Variants in GLYATL2 observed in about 807,000 individuals in gnomAD.
The protein encoded by GLYATL2 is glycine-N-acyltransferase like 2.
GLYATL2 carries 25 observed loss-of-function variants against 21.4 expected under a neutral mutation model. The ratio of observed to expected loss-of-function variants is 1.17; its 90% CI spans 0.85 to 1.63. The LOEUF (loss-of-function observed/expected upper bound fraction) is 1.63, where lower values mean the gene tolerates loss of function less well. GLYATL2 is among the 40% of genes most tolerant of loss of function. The pLI is 0.00. For synonymous variants in GLYATL2, 114 were observed against 118.2 expected (o/e 0.96, Z 0.23); for missense variants, 361 against 343.3 (o/e 1.05, Z -0.41).
chr11:58,873,459 T>A (rs1854163774), intron 1 of GLYATL2, among the ~76,000 whole-genome samples: 1 of 151,936 alleles, frequency 6.6e-6, no homozygotes, highest in African/African-American at 2.4e-5. Flanking sequence ...AGATACATTC[T>A]ATCAATACCT....
At chr11:58,835,231 A>T (rs1853408539) in intron 5 of GLYATL2, among the ~76,000 whole-genome samples, 1 of 152,232 alleles carries the variant, frequency 6.6e-6, no homozygotes, top group Non-Finnish European at 1.5e-5. Context: ...GCATCACAAG[A>T]TATCTAAATA....
At chr11:58,900,819 T>C (rs999501525) in intron 1 of GLYATL2, among the ~76,000 whole-genome samples, 2 of 152,154 alleles carry the variant, frequency 1.3e-5, no homozygotes, top group Non-Finnish European at 1.5e-5. Flanking sequence ...AGCTTTGGCT[T>C]TCATGGAAGC....
At chr11:58,860,750 C>T (rs931731165) in intron 1 of GLYATL2, among the ~76,000 whole-genome samples, 9 of 151,978 alleles carry the variant, frequency 5.9e-5, no homozygotes, top group African/African-American at 1.4e-4. Context: ...CATATATTGT[C>T]TTTATTGTAT....
chr11:58,883,282 G>A lies in GLYATL2; in HGVS notation n.60+20874C>T, dbSNP rs1457391030. ...AAAAAAATCAATGAATCCAGGAGCT[G>A]GTTTTTTGAAAAGATCAACAAAATT... On this transcript the variant is annotated intron_variant and non_coding_transcript_variant, in intron 1 of 4. Coordinates refer to the GLYATL2 transcript ENST00000533636. Among the ~76,000 whole-genome samples the A allele has an allele frequency of 2.0e-5, 3 of 151,942 alleles. No homozygotes were observed. The East Asian group carries it at 5.8e-4, about 29-fold the overall frequency.
rs187690548 is a variant in GLYATL2, at chr11:58,869,966, G to A, written n.61-31598C>T. 8.1e-4 allele frequency among the ~76,000 whole-genome samples: 123 copies of A among 152,166 alleles called. 1 individual carries two copies. Among genetic ancestry groups the A allele is most frequent in the African/African-American group, 2.9e-3 (119 of 41,522 alleles). ...AAAATGAAAATAAAACAATTAGCTG[G>A]GCATAGTGATTCATGCCTGTAGTCC... On this transcript the variant is annotated intron_variant and non_coding_transcript_variant, in intron 1 of 4. Coordinates refer to the GLYATL2 transcript ENST00000533636.
Position 58,892,481 on chromosome 11 carries a change from A to G in GLYATL2, n.60+11675T>C, listed in dbSNP as rs75183059. On this transcript the variant is annotated intron_variant and non_coding_transcript_variant, in intron 1 of 4. Coordinates refer to the GLYATL2 transcript ENST00000533636. ...CAATATCATTACATTGGGAATGTAA[A>G]TTCACAGAAACTCTGGGGGATGGGA... The G allele has an allele frequency of 9.1e-3, 1,493 of 163,894 alleles. 8 individuals carry two copies. Among genetic ancestry groups the G allele is most frequent in the Non-Finnish European group, 0.015 (1,119 of 73,398 alleles). 10.2% of individuals were successfully genotyped at this position (163,894 alleles called of 1,614,324 possible).
At chr11:58,890,172 T>G (rs1213525557) in intron 1 of GLYATL2, among the ~76,000 whole-genome samples, 1 of 152,144 alleles carries the variant, frequency 6.6e-6, no homozygotes, top group Non-Finnish European at 1.5e-5. Flanking sequence ...AAAGCTTAGT[T>G]CCCAGTTATG....
chr11:58,840,017 G>A (rs1322185175), intron 1 of GLYATL2, among the ~76,000 whole-genome samples: 3 of 151,960 alleles, frequency 2.0e-5, no homozygotes, highest in Non-Finnish European at 4.4e-5. Context: ...CCTCTGGAGA[G>A]CCCACCACCC....
At chr11:58,885,724 GA>G (rs1452160397) in intron 1 of GLYATL2, among the ~76,000 whole-genome samples, 1 of 152,264 alleles carries the variant, frequency 6.6e-6, no homozygotes, top group African/African-American at 2.4e-5. Flanking sequence ...TAAAGCACAG[GA>G]CTCTTCTGGG....
At chr11:58,859,842 C>G (rs645568) in intron 1 of GLYATL2, among the ~76,000 whole-genome samples, 132,384 of 152,166 alleles carry the variant, frequency 0.87, 58,796 homozygotes, top group Non-Finnish European at 0.96. Context: ...TGTGGATATG[C>G]AGTTTTTTCA....
At chr11:58,865,882 A>T (rs1854016485) in intron 1 of GLYATL2, among the ~76,000 whole-genome samples, 2 of 149,110 alleles carry the variant, frequency 1.3e-5, no homozygotes. Context: ...TAGGAGCAAT[A>T]AAAGGAGTCC....
upstream of GLYATL2, chr11:58,905,726 C>T (rs1484904472): frequency 1.2e-5 from 2 of 171,666 alleles, no homozygotes; most frequent in African/African-American, 7.3e-5. Context: ...CGGGATGGGT[C>T]ATCTGGACAA....
upstream of GLYATL2, among the ~76,000 whole-genome samples, chr11:58,906,323 A>C (rs1016166933): frequency 5.3e-5 from 8 of 152,190 alleles, no homozygotes; most frequent in African/African-American, 1.9e-4. Flanking sequence ...GTGTTCCTGA[A>C]TCTCAAGAGT....
At chr11:58,845,416 C>A (rs10896855), upstream of GLYATL2, among the ~76,000 whole-genome samples, 4,285 of 152,176 alleles carry the variant, frequency 0.028, 175 homozygotes, top group East Asian at 0.21. Context: ...GCCAGGGCGA[C>A]CTAATAAAAC....
At chr11:58,867,279 A>G (rs940731141) in intron 1 of GLYATL2, among the ~76,000 whole-genome samples, 1 of 149,110 alleles carries the variant, frequency 6.7e-6, no homozygotes, top group Non-Finnish European at 1.5e-5. Context: ...ATACCATGCA[A>G]TACAATTGTT....
Position 58,886,161 on chromosome 11 carries a change from G to A in GLYATL2, n.60+17995C>T, listed in dbSNP as rs188082804. ...AGCCCCAGGAGGTCGAGGTTGCATTGAGCCAAGATCACACCACTGTACTGA... is the reference window on the plus strand; with the variant it reads ...AGCCCCAGGAGGTCGAGGTTGCATTAAGCCAAGATCACACCACTGTACTGA... On this transcript the variant is annotated intron_variant and non_coding_transcript_variant, in intron 1 of 4. Coordinates refer to the GLYATL2 transcript ENST00000533636. Among the ~76,000 whole-genome samples the A allele has an allele frequency of 3.3e-5, 5 of 152,284 alleles. No individual in the cohort carries two copies. The East Asian group carries it at 7.7e-4, about 23-fold the overall frequency.
intron 1 of GLYATL2, among the ~76,000 whole-genome samples, chr11:58,871,436 C>T (rs1854117663): frequency 7.7e-6 from 1 of 129,290 alleles, no homozygotes; most frequent in South Asian, 3.0e-4. Context: ...CCTCCCCCCT[C>T]CCCCACCCCA....
chr11:58,858,188 G>A (rs1045334064), intron 1 of GLYATL2, among the ~76,000 whole-genome samples: 1 of 152,034 alleles, frequency 6.6e-6, no homozygotes, highest in African/African-American at 2.4e-5. Context: ...AGAAAGTGGG[G>A]GAAAAAAACT....
At chr11:58,837,465 A>G (rs1302526615) in intron 3 of GLYATL2, 68 bp from the exon 4 acceptor site, 2 of 1,381,650 alleles carry the variant, frequency 1.4e-6, no homozygotes, top group South Asian at 1.2e-5. Context: ...GCATAGGTCT[A>G]GAGTGCTAGA....
Sources: allele counts gnomAD v4.1 joint callset (sites outside exome capture counted in the v4.1 genomes callset), GRCh38; gene constraint gnomAD v4.1.1; transcripts MANE v1.5; gene names NCBI Gene and HGNC (gene_info 2026-07-23, HGNC 2026-07-21).